PRKN: variants seen among roughly 807,000 people sequenced by gnomAD.
The protein encoded by PRKN is parkin RBR E3 ubiquitin protein ligase, also known as E3 ubiquitin-protein ligase parkin.
Under a neutral mutation model 59.5 loss-of-function variants are expected in PRKN, and 56 were observed. The observed-to-expected ratio is 0.94, with a 90% CI of 0.76 to 1.18. The LOEUF (loss-of-function observed/expected upper bound fraction) is 1.18, where lower values mean the gene tolerates loss of function less well. Ranked by LOEUF, PRKN falls within the 50% of genes most tolerant of loss-of-function variation. PRKN has a pLI of 0.00. For missense variants in PRKN, 657 were observed against 596.4 expected, an observed-to-expected ratio of 1.10 and a Z score of -1.06; for synonymous variants, 250 against 222.1, an observed-to-expected ratio of 1.13 and a Z score of -1.12.
At chr6:162,517,074 G>T (rs1308067768) in intron 1 of PRKN, among the ~76,000 whole-genome samples, 2 of 152,010 alleles carry the variant, frequency 1.3e-5, no homozygotes, top group Non-Finnish European at 2.9e-5. Flanking sequence ...GGATGCCAAG[G>T]AGGCTCTCAA....
intron 7 of PRKN, among the ~76,000 whole-genome samples, chr6:161,706,550 G>A (rs1316120892): frequency 1.3e-5 from 2 of 152,140 alleles, no homozygotes; most frequent in Non-Finnish European, 2.9e-5. Context: ...GAAAGACAAG[G>A]AGAGAAAAGC....
intron 8 of PRKN, 112 bp downstream of exon 8, chr6:161,569,240 ATTT>A: frequency 1.1e-6 from 1 of 902,958 alleles, no homozygotes; most frequent in Non-Finnish European, 1.8e-6. Flanking sequence ...TTTCTTCCCC[ATTT>A]CAGGGCACCC....
intron 2 of PRKN, among the ~76,000 whole-genome samples, chr6:162,422,668 G>C (rs750885965): frequency 6.6e-6 from 1 of 152,150 alleles, no homozygotes; most frequent in Non-Finnish European, 1.5e-5. Flanking sequence ...AAGGAGGCTG[G>C]GTGCAGTGGC....
At chr6:161,994,005 C>T (rs979973634) in intron 5 of PRKN, among the ~76,000 whole-genome samples, 1 of 152,140 alleles carries the variant, frequency 6.6e-6, no homozygotes, top group Non-Finnish European at 1.5e-5. Flanking sequence ...CCAAACACCT[C>T]CCACTAGGCC....
chr6:162,647,949 C>CAACA (rs1778254706), intron 1 of PRKN, among the ~76,000 whole-genome samples: 1 of 75,650 alleles, frequency 1.3e-5, no homozygotes, highest in Admixed American at 1.7e-4. Flanking sequence ...GTCCACAGTG[C>CAACA]AAAAAAAAAA....
At chr6:162,621,550 G>T (rs1254422399) in intron 1 of PRKN, among the ~76,000 whole-genome samples, 1 of 152,178 alleles carries the variant, frequency 6.6e-6, no homozygotes, top group African/African-American at 2.4e-5. Flanking sequence ...AGCCGAATCA[G>T]ACACAAGCTA....
chr6:161,733,798 G>GTATATA (rs10597402), intron 7 of PRKN, among the ~76,000 whole-genome samples: 1,778 of 122,216 alleles, frequency 0.015, 45 homozygotes, highest in African/African-American at 0.032. Flanking sequence ...ATATATATAT[G>GTATATA]TATATATATA....
chr6:161,681,345 G>A (rs1255381187), intron 7 of PRKN, among the ~76,000 whole-genome samples: 3 of 152,000 alleles, frequency 2.0e-5, no homozygotes, highest in Non-Finnish European at 4.4e-5. Flanking sequence ...AATATTATTT[G>A]GAATTTCTTC....
intron 1 of PRKN, among the ~76,000 whole-genome samples, chr6:162,703,489 CAGT>C (rs1260245154): frequency 6.6e-6 from 1 of 152,176 alleles, no homozygotes; most frequent in Non-Finnish European, 1.5e-5. Context: ...ACGGTCTCAG[CAGT>C]AGAGCTGTGC....
chr6:162,326,551 T>C (rs560167323), intron 2 of PRKN, among the ~76,000 whole-genome samples: 1 of 152,268 alleles, frequency 6.6e-6, no homozygotes, highest in South Asian at 2.1e-4. Flanking sequence ...CTTCAAGAGA[T>C]TAGAAACATC....
intron 2 of PRKN, among the ~76,000 whole-genome samples, chr6:162,307,935 G>C (rs1562657726): frequency 6.6e-6 from 1 of 152,228 alleles, no homozygotes. Context: ...TTGCTTTCAA[G>C]ATGTTTTGAA....
In PRKN at chr6:161,527,966, T is replaced by A. The variant is rs145184377; in HGVS notation, c.1083+20888A>T. ...TAAACATTTCTTTCCCCCCACTTAG[T>A]CCCCAGAGACTTAGAGTTAACTTGA... On this transcript the variant is annotated intron_variant, in intron 9 of 11. Transcript: ENST00000366898. This position sits in a 1 kb window ranked among gnomAD's most constrained non-coding sequence, Gnocchi z 4.6. 7.3e-3 allele frequency among the ~76,000 whole-genome samples: 1,108 copies of A among 152,254 alleles called. 21 individuals carry two copies. Among genetic ancestry groups the A allele is most frequent in the African/African-American group, 0.026 (1,068 of 41,536 alleles).
chr6:161,620,807 G>T (rs1020550735), intron 7 of PRKN, among the ~76,000 whole-genome samples: 5 of 152,160 alleles, frequency 3.3e-5, no homozygotes, highest in African/African-American at 9.7e-5. Flanking sequence ...GCTCTTCTTG[G>T]CAAGCACTGG....
chr6:162,637,376 T>C (rs1485466704), intron 1 of PRKN, among the ~76,000 whole-genome samples: 1 of 149,690 alleles, frequency 6.7e-6, no homozygotes, highest in African/African-American at 2.5e-5. Context: ...CACTGGTGCA[T>C]ACACACAACT....
chr6:161,533,780 C>T lies in PRKN; in HGVS notation c.1083+15074G>A, dbSNP rs1451562177. On this transcript the variant is annotated intron_variant, in intron 9 of 11. Transcript: ENST00000366898. This position sits in a 1 kb window ranked among gnomAD's most constrained non-coding sequence, Gnocchi z 4.1. ...CCTTTCTTCCGCCTGTTAAACTTTCCACTCCTTAACCCACCCACGTGTCTG... is the reference window on the plus strand; with the variant it reads ...CCTTTCTTCCGCCTGTTAAACTTTCTACTCCTTAACCCACCCACGTGTCTG... Among the ~76,000 whole-genome samples the T allele has an allele frequency of 2.0e-5, 3 of 151,518 alleles. No homozygotes were observed. The East Asian group carries it at 5.8e-4, about 29-fold the overall frequency.
Position 161,551,500 on chromosome 6 carries a change from G to A in PRKN, c.934-2497C>T, listed in dbSNP as rs992775868. Among the ~76,000 whole-genome samples the A allele has an allele frequency of 5.3e-5, 8 of 152,146 alleles. No individual in the cohort carries two copies. The highest frequency in any genetic ancestry group is 2.1e-4 in the South Asian group (1 of 4,834). ...GCAGCCTATGAGGCAGGTGAAAACT[G>A]AGGAGGACTCAGGTGTCCCGAAAGC... On this transcript the variant is annotated intron_variant, in intron 8 of 11. Coordinates refer to ENST00000366898, the MANE Select transcript of PRKN (RefSeq NM_004562.3). This position sits in a 1 kb window ranked among gnomAD's most constrained non-coding sequence, Gnocchi z 5.2.
At chr6:161,803,933 G>A (rs895452955) in intron 6 of PRKN, among the ~76,000 whole-genome samples, 1 of 152,232 alleles carries the variant, frequency 6.6e-6, no homozygotes, top group Non-Finnish European at 1.5e-5. Context: ...AATGAAAGAA[G>A]ATGGAACCAA....
chr6:161,885,618 TTG>T (rs1562365190), intron 6 of PRKN, among the ~76,000 whole-genome samples: 23 of 149,194 alleles, frequency 1.5e-4, no homozygotes, highest in African/African-American at 5.0e-4. Context: ...TGGGCCAAGA[TTG>T]CACCACTGCA....
intron 2 of PRKN, among the ~76,000 whole-genome samples, chr6:162,416,961 T>G (rs1363283735): frequency 1.3e-5 from 2 of 152,152 alleles, no homozygotes; most frequent in African/African-American, 2.4e-5. Flanking sequence ...AAAGCAGTTC[T>G]CCTAACTAAA....
Sources: gnomAD v4.1 joint callset for allele counts (sites outside exome capture counted in the v4.1 genomes callset) on GRCh38, gnomAD v4.1.1 for gene constraint, Gnocchi (gnomAD v3.1) non-coding constraint, MANE v1.5 for transcripts, NCBI Gene and HGNC (gene_info 2026-07-23, HGNC 2026-07-21) for gene names.